PTPA: variants seen among roughly 807,000 people sequenced by gnomAD.
PTPA encodes protein phosphatase 2 phosphatase activator.
PTPA carries 13 observed loss-of-function variants against 43.6 expected under a neutral mutation model. The observed-to-expected ratio is 0.30, with a 90% CI of 0.19 to 0.47. The LOEUF is 0.47. PTPA is among the 20% of genes least tolerant of loss of function. The probability of loss-of-function intolerance (pLI) is 0.99; values close to 1 mark genes in which losing one functional copy is unlikely to be tolerated. For synonymous variants in PTPA, 172 were observed against 158.2 expected (o/e 1.09, Z -0.66); for missense variants, 329 against 411.9 (o/e 0.80, Z 1.74).
chr9:129,121,088 T>C (rs1261667902), intron 2 of PTPA, among the ~76,000 whole-genome samples: 2 of 152,230 alleles, frequency 1.3e-5, no homozygotes, highest in Non-Finnish European at 2.9e-5. Flanking sequence ...CTTTCTCTGC[T>C]GCTCAGCTGA....
Position 129,147,674 on chromosome 9 carries a change from T to C in PTPA, c.*210T>C, listed in dbSNP as rs1433650459. 1 of 566,148 alleles carries C rather than the reference T, an allele frequency of 1.8e-6. No individual in the cohort carries two copies. The highest frequency in any genetic ancestry group is 1.9e-5 in the African/African-American group (1 of 52,844). 35.1% of individuals were successfully genotyped at this position (566,148 alleles called of 1,614,324 possible). On this transcript the variant is annotated 3_prime_UTR_variant, in exon 10 of 10. Transcript: ENST00000393370. Reference sequence around the variant, plus strand: ...AGAAGTGACCAAAGTGTAGCCAGTTTTCTGAGTTCCCGTGTGCTAGACTGG... The same window carrying C: ...AGAAGTGACCAAAGTGTAGCCAGTTCTCTGAGTTCCCGTGTGCTAGACTGG...
intron 5 of PTPA, 139 bp from the exon 6 acceptor site, chr9:129,134,656 T>C: frequency 4.7e-6 from 3 of 638,586 alleles, no homozygotes; most frequent in Non-Finnish European, 8.2e-6. Context: ...TCTTTCTGAA[T>C]GGGGAAGAGG....
rs1347149985 is a variant in PTPA, at chr9:129,148,799, G to A, written c.*1335G>A. On this transcript the variant is annotated 3_prime_UTR_variant, in exon 10 of 10. Transcript: ENST00000393370. ...AGAGGCTGGGTCAGGAGTCCCAAAG[G>A]TCAGTGACAGTTTCTCAGAAGAGGC... 2.6e-5 allele frequency: 4 copies of A among 152,768 alleles called. No individual in the cohort carries two copies. In the East Asian group the frequency reaches 7.7e-4, roughly 29 times the overall value. The allele number at this position is 152,768 out of a possible 1,614,324, so 9.5% of individuals were successfully genotyped here.
chr9:129,121,902 G>A (rs1454515298), intron 2 of PTPA, among the ~76,000 whole-genome samples: 4 of 152,222 alleles, frequency 2.6e-5, no homozygotes, highest in Admixed American at 6.5e-5. Context: ...CCTGCTGGGG[G>A]TCATCCCATG....
At chr9:129,124,673 C>T (rs75152567) in intron 3 of PTPA, among the ~76,000 whole-genome samples, 5,744 of 152,268 alleles carry the variant, frequency 0.038, 358 homozygotes, top group African/African-American at 0.13. Flanking sequence ...AGGGCTAGGA[C>T]CTAGGCCTCC....
intron 9 of PTPA, chr9:129,142,933 T>G (rs1199712167): frequency 6.2e-6 from 9 of 1,446,014 alleles, no homozygotes; most frequent in Non-Finnish European, 8.2e-6. Flanking sequence ...CTGGGAAGGG[T>G]CTTACCCTTT....
At chr9:129,124,088 T>A (rs1849425985) in intron 3 of PTPA, among the ~76,000 whole-genome samples, 1 of 152,244 alleles carries the variant, frequency 6.6e-6, no homozygotes, top group Admixed American at 6.5e-5. Flanking sequence ...GCAGAGCTGA[T>A]CTCTCCCTGT....
chr9:129,117,507 G>T (rs945039337), intron 1 of PTPA, among the ~76,000 whole-genome samples: 3 of 151,550 alleles, frequency 2.0e-5, no homozygotes, highest in Non-Finnish European at 2.9e-5. Flanking sequence ...GGGTTCAAGC[G>T]GTTCTTCTGC....
chr9:129,118,672 G>A (rs532145888), intron 1 of PTPA, among the ~76,000 whole-genome samples: 1 of 151,786 alleles, frequency 6.6e-6, no homozygotes, highest in Non-Finnish European at 1.5e-5. Context: ...ACCGCGCCCC[G>A]CCTAAAATTT....
At position 129,147,550 on chromosome 9, in the gene PTPA, C is replaced by T; in HGVS notation, c.*86C>T. 1 of 1,378,750 alleles carries T rather than the reference C, an allele frequency of 7.3e-7. No homozygotes were observed. The allele number at this position is 1,378,750 out of a possible 1,614,324, so 85.4% of individuals were successfully genotyped here. A position where few individuals can be genotyped will look rare whatever the true frequency, so the allele number is the denominator to read the frequency against. ...GCAGTGGCCCCTCCCCATCCCCTCC[C>T]TCTGTTCGTCCCGTTTGATGAGAGG... On this transcript the variant is annotated 3_prime_UTR_variant, in exon 10 of 10. Coordinates refer to ENST00000393370, the MANE Select transcript of PTPA (RefSeq NM_178000.3).
At position 129,131,651 on chromosome 9, in the gene PTPA, T is replaced by C. The variant is rs1280453065; in HGVS notation, c.460+12T>C. 3.1e-6 allele frequency: 5 copies of C among 1,610,230 alleles called. No individual in the cohort carries two copies. Among genetic ancestry groups the C allele is most frequent in the Non-Finnish European group, 4.2e-6 (5 of 1,176,612 alleles). The stretch of plus-strand genomic sequence containing the variant: ...TGACTACGGCACAGGTATCTGCTGC[T>C]TGTGGGGCTCTGTACTTATCTAGCT... On this transcript the variant is annotated intron_variant, in intron 5 of 9. Coordinates refer to ENST00000393370, the MANE Select transcript of PTPA (RefSeq NM_178000.3).
chr9:129,128,986 C>G lies in PTPA; in HGVS notation c.218C>G (p.Ala73Gly), dbSNP rs1564191553. The G allele has an allele frequency of 3.1e-6, 5 of 1,613,194 alleles. No individual in the cohort carries two copies. In the Middle Eastern group the frequency reaches 7.5e-4, roughly 240 times the overall value. The change falls in exon 4 of 10, where the codon GCC becomes GGC. Residue 73 changes from alanine to glycine, a missense_variant and splice_region_variant. Transcript: ENST00000393370. ...KLTFEYRVSE[A>G]IEKLVALLNT... ...GACCCCTCTATTTTGCCTCCACAGG[C>G]CATTGAGAAACTAGTCGCTCTTCTC... is the stretch of plus-strand genomic sequence containing the variant.
At chr9:129,130,249 C>T (rs1310034615) in intron 4 of PTPA, among the ~76,000 whole-genome samples, 1 of 152,108 alleles carries the variant, frequency 6.6e-6, no homozygotes, top group African/African-American at 2.4e-5. Context: ...CAGGAGATGG[C>T]TCATGCCAGT....
At chr9:129,142,399 T>C (rs749525488) in intron 8 of PTPA, 46 bp from the exon 9 acceptor site, 2 of 1,522,996 alleles carry the variant, frequency 1.3e-6, no homozygotes, top group African/African-American at 2.8e-5. Context: ...AGGGATGAGC[T>C]CCCAGCCAGA....
chr9:129,110,974 A>T, upstream of PTPA: 1 of 1,371,068 alleles, frequency 7.3e-7, no homozygotes, highest in Non-Finnish European at 9.8e-7. This position sits in a 1 kb window ranked among gnomAD's most constrained non-coding sequence, Gnocchi z 5.3. Flanking sequence ...AGGAGGAAGG[A>T]GGAGGTCACC....
chr9:129,118,732 G>A (rs1420197355), intron 1 of PTPA, among the ~76,000 whole-genome samples: 1 of 150,574 alleles, frequency 6.6e-6, no homozygotes, highest in East Asian at 2.0e-4. Flanking sequence ...CCAGGTTGGT[G>A]TCAAACTCCT....
At chr9:129,134,381 T>G (rs1485237151) in intron 5 of PTPA, among the ~76,000 whole-genome samples, 1 of 134,934 alleles carries the variant, frequency 7.4e-6, no homozygotes, top group East Asian at 2.4e-4. Flanking sequence ...CATGGCTCAC[T>G]GCAGCCTCAA....
chr9:129,143,216 G>C, intron 9 of PTPA: 1 of 657,186 alleles, frequency 1.5e-6, no homozygotes, highest in South Asian at 1.7e-5. Flanking sequence ...TCCAAGTGGG[G>C]AGGAGACATT....
At chr9:129,116,216 G>A (rs1449780190) in intron 1 of PTPA, among the ~76,000 whole-genome samples, 2 of 151,406 alleles carry the variant, frequency 1.3e-5, no homozygotes, top group African/African-American at 4.9e-5. Flanking sequence ...GCGGAGTCTC[G>A]CTCTGTTGCC....
Sources: allele counts gnomAD v4.1 joint callset (sites outside exome capture counted in the v4.1 genomes callset), GRCh38; gene constraint gnomAD v4.1.1; non-coding constraint Gnocchi (gnomAD v3.1); transcripts MANE v1.5; gene names NCBI Gene and HGNC (gene_info 2026-07-23, HGNC 2026-07-21).